The following SYT9 variants were observed in gnomAD, a reference collection of about 807,000 sequenced individuals.
The protein encoded by SYT9 is synaptotagmin-9.
SYT9 carries 22 observed loss-of-function variants against 48.4 expected under a neutral mutation model. The observed-to-expected ratio is 0.45, with a 90% CI of 0.32 to 0.65. The LOEUF (loss-of-function observed/expected upper bound fraction) is 0.65, where lower values mean the gene tolerates loss of function less well. Ranked by LOEUF, SYT9 falls within the 30% of genes least tolerant of loss-of-function variation. The probability of loss-of-function intolerance (pLI) is 0.03; values close to 1 mark genes in which losing one functional copy is unlikely to be tolerated. For synonymous variants in SYT9, 265 were observed against 245.0 expected, an observed-to-expected ratio of 1.08 and a Z score of -0.76; for missense variants, 577 against 622.0, an observed-to-expected ratio of 0.93 and a Z score of 0.77.
intron 6 of SYT9, among the ~76,000 whole-genome samples, chr11:7,442,548 C>T (rs1847847247): frequency 6.6e-6 from 1 of 152,158 alleles, no homozygotes; most frequent in Non-Finnish European, 1.5e-5. Flanking sequence ...CACACCTTCA[C>T]CCCCAGCACT....
chr11:7,425,508 G>C (rs746037250), intron 6 of SYT9, among the ~76,000 whole-genome samples: 1 of 152,126 alleles, frequency 6.6e-6, no homozygotes, highest in Non-Finnish European at 1.5e-5. Flanking sequence ...CTTGGGTCTT[G>C]TTGAGAACCA....
intron 3 of SYT9, among the ~76,000 whole-genome samples, chr11:7,333,321 C>T (rs1301641665): frequency 6.6e-6 from 1 of 152,136 alleles, no homozygotes; most frequent in Non-Finnish European, 1.5e-5. Context: ...GAATCTAGGC[C>T]ACTGCTTTGC....
chr11:7,355,016 C>T (rs1345914054), intron 3 of SYT9, among the ~76,000 whole-genome samples: 1 of 152,100 alleles, frequency 6.6e-6, no homozygotes, highest in East Asian at 1.9e-4. Context: ...TGGACTAGTA[C>T]CTGTAATAGA....
At chr11:7,241,881 G>A (rs1847744639) in intron 1 of SYT9, among the ~76,000 whole-genome samples, 1 of 152,162 alleles carries the variant, frequency 6.6e-6, no homozygotes, top group Non-Finnish European at 1.5e-5. Flanking sequence ...ATTGTATGGT[G>A]GTTACATTTC....
chr11:7,432,585 ATATATACATATATAT>A (rs1847623177), intron 6 of SYT9, among the ~76,000 whole-genome samples: 21 of 2,646 alleles, frequency 7.9e-3, no homozygotes, highest in Non-Finnish European at 0.011. Flanking sequence ...AAAAAAAAAT[ATATATACATATATAT>A]ATATATATAT....
upstream of SYT9, among the ~76,000 whole-genome samples, chr11:7,250,289 G>C (rs1847843989): frequency 2.6e-5 from 4 of 152,102 alleles, no homozygotes; most frequent in South Asian, 8.3e-4. Context: ...TAATGCCTTT[G>C]GCCTGGTTTA....
At chr11:7,350,324 G>T (rs906133077) in intron 3 of SYT9, among the ~76,000 whole-genome samples, 1 of 151,842 alleles carries the variant, frequency 6.6e-6, no homozygotes, top group South Asian at 2.1e-4. Flanking sequence ...GCAAATGCAG[G>T]CTTCAGGCTT....
chr11:7,301,965 T>G (rs1037043852), intron 1 of SYT9, among the ~76,000 whole-genome samples: 1 of 152,214 alleles, frequency 6.6e-6, no homozygotes, highest in Non-Finnish European at 1.5e-5. Context: ...CTGCCAAGAC[T>G]TGCTGATGCC....
chr11:7,284,150 T>G (rs554086296), intron 1 of SYT9, among the ~76,000 whole-genome samples: 1 of 152,298 alleles, frequency 6.6e-6, no homozygotes, highest in Middle Eastern at 3.4e-3. Context: ...GAAAGCATCT[T>G]TTAAATAAAA....
At chr11:7,260,482 C>T (rs887989023) in intron 1 of SYT9, among the ~76,000 whole-genome samples, 1 of 152,152 alleles carries the variant, frequency 6.6e-6, no homozygotes, top group Non-Finnish European at 1.5e-5. Context: ...AAACAATGGT[C>T]AAATCAGATC....
At chr11:7,300,938 C>T (rs1848909014) in intron 1 of SYT9, among the ~76,000 whole-genome samples, 1 of 152,162 alleles carries the variant, frequency 6.6e-6, no homozygotes, top group African/African-American at 2.4e-5. Flanking sequence ...TTTGACCCCA[C>T]TGACTCCACT....
rs150678712 is a variant in SYT9, at chr11:7,310,157, G to A, written c.498-3238G>A. On this transcript the variant is annotated intron_variant, in intron 2 of 6. Coordinates refer to ENST00000318881, the MANE Select transcript of SYT9 (RefSeq NM_175733.4). The stretch of plus-strand genomic sequence containing the variant: ...TTTGGTTTTTGAGTTTTTTTGAGAT[G>A]GAGTCTTTCTCTGTTGCCCAGACTG... Among the ~76,000 whole-genome samples the A allele has an allele frequency of 1.5e-3, 232 of 152,206 alleles. 1 individual carries two copies. The highest frequency in any genetic ancestry group is 5.1e-3 in the African/African-American group (213 of 41,516).
rs551783756 is a variant in SYT9, at chr11:7,253,734, A to G, written c.145+1403A>G. 5.9e-5 allele frequency among the ~76,000 whole-genome samples: 9 copies of G among 152,342 alleles called. No homozygotes were observed. The East Asian group carries it at 9.6e-4, about 16-fold the overall frequency. On this transcript the variant is annotated intron_variant, in intron 1 of 6. Transcript: ENST00000318881. ...TGGTTTCCAGGGAGGTTTAATGTCCAGCCTATGTGCATCTCATTGCTGGAT... is the reference window on the plus strand; with the variant it reads ...TGGTTTCCAGGGAGGTTTAATGTCCGGCCTATGTGCATCTCATTGCTGGAT...
intron 3 of SYT9, among the ~76,000 whole-genome samples, chr11:7,324,941 G>A (rs1378033421): frequency 6.6e-6 from 1 of 151,962 alleles, no homozygotes; most frequent in Non-Finnish European, 1.5e-5. Context: ...TACTATGATG[G>A]TGGATTTTCA....
intron 6 of SYT9, chr11:7,457,602 C>T (rs1848171062): frequency 6.6e-6 from 1 of 152,146 alleles, no homozygotes; most frequent in African/African-American, 2.4e-5. Context: ...GTCAATTTTT[C>T]TTCAAATCTA....
chr11:7,308,817 T>C (rs2133945684), intron 2 of SYT9, among the ~76,000 whole-genome samples: 1 of 152,322 alleles, frequency 6.6e-6, no homozygotes, highest in East Asian at 1.9e-4. Flanking sequence ...TCGAATTTGT[T>C]GAATTGCCAT....
At chr11:7,347,561 A>G (rs1007574788) in intron 3 of SYT9, among the ~76,000 whole-genome samples, 1 of 152,164 alleles carries the variant, frequency 6.6e-6, no homozygotes, top group Non-Finnish European at 1.5e-5. Context: ...AGCATGGGGA[A>G]GTTTCATATG....
chr11:7,456,470 G>C (rs1848151919), intron 6 of SYT9, among the ~76,000 whole-genome samples: 1 of 152,186 alleles, frequency 6.6e-6, no homozygotes, highest in Non-Finnish European at 1.5e-5. Flanking sequence ...TCTTCCCCAT[G>C]TCAGGCAAAT....
intron 1 of SYT9, among the ~76,000 whole-genome samples, chr11:7,255,118 G>GA (rs1389084578): frequency 6.6e-6 from 1 of 152,210 alleles, no homozygotes; most frequent in Non-Finnish European, 1.5e-5. Flanking sequence ...TTTGTCCATA[G>GA]AAAGCAATTA....
Sources: gnomAD v4.1 joint callset for allele counts (sites outside exome capture counted in the v4.1 genomes callset) on GRCh38, gnomAD v4.1.1 for gene constraint, MANE v1.5 for transcripts, NCBI Gene and HGNC (gene_info 2026-07-23, HGNC 2026-07-21) for gene names.